CEP72: variants seen among roughly 807,000 people sequenced by gnomAD.
The protein encoded by CEP72 is centrosomal protein of 72 kDa.
CEP72 carries 78 observed loss-of-function variants against 65.7 expected under a neutral mutation model. That is an observed-to-expected ratio of 1.19 (90% CI 0.99 to 1.43). CEP72 has a LOEUF of 1.43. Ranked by LOEUF, CEP72 falls within the 40% of genes most tolerant of loss-of-function variation. The pLI is 0.00. For synonymous variants in CEP72, 358 were observed against 351.7 expected (o/e 1.02, Z -0.20); for missense variants, 914 against 832.9 (o/e 1.10, Z -1.20).
At chr5:617,698 A>G (rs1161644778) in intron 1 of CEP72, among the ~76,000 whole-genome samples, 1 of 152,162 alleles carries the variant, frequency 6.6e-6, no homozygotes, top group South Asian at 2.1e-4. Flanking sequence ...ACCTGAGGAA[A>G]CAGGGAAACG....
chr5:673,769 G>T, the CEP72 span, among the ~76,000 whole-genome samples: 432 of 152,264 alleles, frequency 2.8e-3, 14 homozygotes, highest in East Asian at 0.068. Flanking sequence ...CCCCCCAAGC[G>T]CCTGAGCAGC....
At chr5:629,424 C>A (rs1360748661) in intron 4 of CEP72, among the ~76,000 whole-genome samples, 10 of 148,406 alleles carry the variant, frequency 6.7e-5, no homozygotes, top group African/African-American at 2.5e-4. Flanking sequence ...GGGATTTGGA[C>A]CAGTCCTGGT....
intron 7 of CEP72, 55 bp from the exon 8 acceptor site, chr5:639,034 C>A: frequency 1.9e-6 from 3 of 1,607,320 alleles, no homozygotes; most frequent in Non-Finnish European, 2.6e-6. Context: ...CACCTGCTGG[C>A]ATTCAGGACC....
chr5:652,927 G>A (rs1739200372), intron 11 of CEP72, 61 bp from the exon 12 acceptor site: 5 of 1,480,196 alleles, frequency 3.4e-6, no homozygotes, highest in Non-Finnish European at 4.5e-6. Flanking sequence ...CCCAGCAGGT[G>A]AGGGCCACAC....
chr5:664,809 AC>A (rs1327176985), intron 2 of CEP72: 1 of 370,004 alleles, frequency 2.7e-6, no homozygotes, highest in Non-Finnish European at 4.9e-6. Flanking sequence ...TGACCTGCAA[AC>A]CACGTGCCCA....
downstream of CEP72, among the ~76,000 whole-genome samples, chr5:658,915 G>C (rs919461851): frequency 6.6e-6 from 1 of 152,046 alleles, no homozygotes; most frequent in African/African-American, 2.4e-5. Context: ...TGATCTGCCC[G>C]CCTCGGCCTC....
At chr5:670,208 C>T (rs1322292647), downstream of CEP72, among the ~76,000 whole-genome samples, 1 of 152,196 alleles carries the variant, frequency 6.6e-6, no homozygotes, top group Admixed American at 6.5e-5. Context: ...GCGGACGTCA[C>T]AGGCCCCGCT....
At chr5:626,316 G>T (rs1305575904) in intron 4 of CEP72, among the ~76,000 whole-genome samples, 2 of 152,238 alleles carry the variant, frequency 1.3e-5, no homozygotes, top group Admixed American at 6.5e-5. Context: ...TCCTGTCTTG[G>T]TGGGAGAGCA....
At chr5:642,806 C>T in intron 9 of CEP72, 1 of 985,474 alleles carries the variant, frequency 1.0e-6, no homozygotes, top group Non-Finnish European at 1.2e-6. Flanking sequence ...CTGGTGGGCA[C>T]TGCTTTCCAG....
intron 9 of CEP72, chr5:642,032 A>G (rs370614828): frequency 7.3e-6 from 7 of 952,738 alleles, no homozygotes; most frequent in Admixed American, 1.6e-4. Flanking sequence ...GTGCATTTAA[A>G]CACACGTGGT....
chr5:661,386 C>G (rs1269343274), downstream of CEP72: 1 of 148,432 alleles, frequency 6.7e-6, no homozygotes, highest in Non-Finnish European at 1.5e-5. Flanking sequence ...GTCCTCGTGT[C>G]ACCCATGACA....
intron 4 of CEP72, among the ~76,000 whole-genome samples, chr5:627,972 GGT>G (rs1483673124): frequency 6.6e-6 from 1 of 152,170 alleles, no homozygotes; most frequent in Non-Finnish European, 1.5e-5. Flanking sequence ...GCTTTCTCAG[GGT>G]GCGCGCGGGC....
intron 8 of CEP72, among the ~76,000 whole-genome samples, chr5:639,926 C>T (rs1737889875): frequency 6.6e-6 from 1 of 152,206 alleles, no homozygotes. Context: ...ATGAGGACGC[C>T]CTGCAGTCGC....
intron 8 of CEP72, 47 bp from the exon 9 acceptor site, chr5:640,361 A>C: frequency 6.3e-7 from 1 of 1,577,662 alleles, no homozygotes; most frequent in Non-Finnish European, 8.6e-7. Flanking sequence ...TTTACATTTC[A>C]TCCTTTAAGC....
Position 620,113 on chromosome 5 carries a change from C to T in CEP72, c.255C>T (p.Tyr85=), listed in dbSNP as rs1736286547. ...LTALESLNLY[Y]NCISSLAEVF... ...CATTGGAGAGTCTCAATCTCTACTACAACTGCATCTCCTCGTTGGCAGAAG... is the reference window on the plus strand; with the variant it reads ...CATTGGAGAGTCTCAATCTCTACTATAACTGCATCTCCTCGTTGGCAGAAG... Residue 85 remains tyrosine (Y), a synonymous_variant, in exon 3 of 12, where the codon TAC becomes TAT. Coordinates refer to ENST00000264935, the MANE Select transcript of CEP72 (RefSeq NM_018140.4). The T allele has an allele frequency of 6.2e-7, 1 of 1,614,182 alleles. No individual in the cohort carries two copies. The highest frequency in any genetic ancestry group is 1.3e-5 in the African/African-American group (1 of 75,046).
intron 1 of CEP72, among the ~76,000 whole-genome samples, chr5:615,967 C>A (rs1341832086): frequency 3.9e-5 from 6 of 152,182 alleles, no homozygotes; most frequent in Non-Finnish European, 5.9e-5. Context: ...TATCCTCTCC[C>A]CTTTACAATT....
intron 11 of CEP72, among the ~76,000 whole-genome samples, chr5:652,118 T>C (rs903617161): frequency 3.3e-5 from 5 of 152,278 alleles, no homozygotes; most frequent in Admixed American, 3.3e-4. Context: ...GGCAGGGCCA[T>C]GTGACTCCCT....
At chr5:618,889 CTG>C (rs944805576) in intron 1 of CEP72, 99 bp from the exon 2 acceptor site, 4 of 888,696 alleles carry the variant, frequency 4.5e-6, no homozygotes, top group Non-Finnish European at 6.9e-6. Flanking sequence ...AACCAAGAAT[CTG>C]TGTCAGTTTC....
downstream of CEP72, among the ~76,000 whole-genome samples, chr5:655,102 C>G (rs567797017): frequency 6.6e-6 from 1 of 151,974 alleles, no homozygotes. This position sits in a 1 kb window ranked among gnomAD's most constrained non-coding sequence, Gnocchi z 5.0. Flanking sequence ...TGGCTCACAC[C>G]GTAATCCCAG....
Sources: gnomAD v4.1 joint callset for allele counts (sites outside exome capture counted in the v4.1 genomes callset) on GRCh38, gnomAD v4.1.1 for gene constraint, Gnocchi (gnomAD v3.1) non-coding constraint, MANE v1.5 for transcripts, NCBI Gene and HGNC (gene_info 2026-07-23, HGNC 2026-07-21) for gene names.